AIRE: variants seen among roughly 807,000 people sequenced by gnomAD.
AIRE encodes the protein autoimmune polyendocrinopathy candidiasis ectodermal dystrophy protein.
AIRE carries 52 observed loss-of-function variants against 62.1 expected under a neutral mutation model. The ratio of observed to expected loss-of-function variants is 0.84; its 90% CI spans 0.67 to 1.06. The LOEUF (loss-of-function observed/expected upper bound fraction) is 1.06, where lower values mean the gene tolerates loss of function less well. Ranked by LOEUF, AIRE falls within the 50% of genes least tolerant of loss-of-function variation. The pLI, the probability that AIRE is intolerant of heterozygous loss-of-function variation, is 0.00. For synonymous variants in AIRE, 342 were observed against 321.6 expected, an observed-to-expected ratio of 1.06 and a Z score of -0.68; for missense variants, 774 against 755.8, an observed-to-expected ratio of 1.02 and a Z score of -0.28.
Position 44,289,839 on chromosome 21 carries a change from G to A in AIRE, c.798+37G>A, listed in dbSNP as rs369617029. 5 of 1,611,566 alleles carry A rather than the reference G, an allele frequency of 3.1e-6. No homozygotes were observed. The African/African-American group carries it at 4.0e-5, about 13-fold the overall frequency. On this transcript the variant is annotated intron_variant, in intron 6 of 13. Transcript: ENST00000291582. ...ACCTTCCCTGGGGAGCCTGGCTCTTGATGCCCCCCGCCCCAGGAACAGCGT... is the reference window on the plus strand; with the variant it reads ...ACCTTCCCTGGGGAGCCTGGCTCTTAATGCCCCCCGCCCCAGGAACAGCGT...
rs1265020470 is a variant in AIRE, at chr21:44,287,521, T to C, written c.468T>C (p.Ser156=). 9 of 1,553,634 alleles carry C rather than the reference T, an allele frequency of 5.8e-6. No homozygotes were observed. The highest frequency in any genetic ancestry group is 1.7e-4 in the Middle Eastern group (1 of 5,780). ...GCCCCCAGCTCCCCCATTCAGGCTC[T>C]CAACTGAAGGCCAAGCCCCCCAAGA... is the stretch of plus-strand genomic sequence containing the variant. ...LTPRGTASPG[S]QLKAKPPKKP... The change falls in exon 4 of 14, where the codon TCT becomes TCC. Residue 156 remains serine, a synonymous_variant. Coordinates refer to ENST00000291582, the MANE Select transcript of AIRE (RefSeq NM_000383.4). The surrounding 1 kb of genome is among the most constrained non-coding windows in gnomAD (Gnocchi z 4.3).
Position 44,286,187 on chromosome 21 carries a change from G to A in AIRE, c.132+49G>A. 1 of 1,522,596 alleles carries A rather than the reference G, an allele frequency of 6.6e-7. No individual in the cohort carries two copies. 94.3% of individuals were successfully genotyped at this position (1,522,596 alleles called of 1,614,324 possible). On this transcript the variant is annotated intron_variant, in intron 1 of 13. Coordinates refer to ENST00000291582, the MANE Select transcript of AIRE (RefSeq NM_000383.4). This position sits in a 1 kb window ranked among gnomAD's most constrained non-coding sequence, Gnocchi z 6.0. ...CTGCCCCCAGGCCCTGTGAGCCAGG[G>A]ATAGTCCCCGGGGAAGTTCCAGGAG...
Position 44,287,601 on chromosome 21 carries a change from G to C in AIRE, c.538+10G>C. The stretch of plus-strand genomic sequence containing the variant: ...CTTCCACTCGGGAACGGTGAGCGGG[G>C]CCCAGTGGGAGCGCCTCCCTTCTCC... On this transcript the variant is annotated intron_variant, in intron 4 of 13. Transcript: ENST00000291582. This position sits in a 1 kb window ranked among gnomAD's most constrained non-coding sequence, Gnocchi z 4.3. The C allele has an allele frequency of 6.4e-7, 1 of 1,552,026 alleles. No homozygotes were observed. Among genetic ancestry groups the C allele is most frequent in the Non-Finnish European group, 8.7e-7 (1 of 1,147,718 alleles).
chr21:44,285,961 G>C lies in AIRE; in HGVS notation c.-46G>C. 1 of 1,513,814 alleles carries C rather than the reference G, an allele frequency of 6.6e-7. No individual in the cohort carries two copies. The highest frequency in any genetic ancestry group is 8.8e-7 in the Non-Finnish European group (1 of 1,135,254). 93.8% of individuals were successfully genotyped at this position (1,513,814 alleles called of 1,614,324 possible). A position where few individuals can be genotyped will look rare whatever the true frequency, so the allele number is the denominator to read the frequency against. ...CCAAGCGAGGGGCTGCCAGTGTCCC[G>C]GGACCCACCGCGTCCGCCCCAGCCC... On this transcript the variant is annotated 5_prime_UTR_variant, in exon 1 of 14. Transcript: ENST00000291582.
chr21:44,297,757 T>A lies in AIRE; in HGVS notation c.*30T>A. 1.9e-6 allele frequency: 3 copies of A among 1,588,576 alleles called. No individual in the cohort carries two copies. The highest frequency in any genetic ancestry group is 2.6e-6 in the Non-Finnish European group (3 of 1,158,722). On this transcript the variant is annotated 3_prime_UTR_variant, in exon 14 of 14. Coordinates refer to ENST00000291582, the MANE Select transcript of AIRE (RefSeq NM_000383.4). This position sits in a 1 kb window ranked among gnomAD's most constrained non-coding sequence, Gnocchi z 4.8. ...AGATGGCCGGGACATGCAGCTCTGATGAGAGAGTGCTGAGAAGGACACCTC... is the reference window on the plus strand; with the variant it reads ...AGATGGCCGGGACATGCAGCTCTGAAGAGAGAGTGCTGAGAAGGACACCTC...
At chr21:44,294,979 CT>C (rs2040590830) in intron 12 of AIRE, among the ~76,000 whole-genome samples, 1 of 152,212 alleles carries the variant, frequency 6.6e-6, no homozygotes, top group Non-Finnish European at 1.5e-5. Context: ...TCTTCCTGTC[CT>C]CCTGCTCCGG....
In AIRE at chr21:44,293,832, C is replaced by T. The variant is rs72650677; in HGVS notation, c.1322C>T (p.Thr441Met). 2,545 of 1,596,942 alleles carry T rather than the reference C, an allele frequency of 1.6e-3. 6 individuals are homozygous for T. Among genetic ancestry groups the T allele is most frequent in the Middle Eastern group, 3.1e-3 (16 of 5,158 alleles). The change falls in exon 11 of 14, where the codon ACG (threonine) becomes ATG (methionine). Residue 441 changes from threonine (T) to methionine (M), a missense_variant. By Grantham distance (81) the Thr-to-Met change is moderately conservative. Around this residue, in one of 3 missense-constraint regions of AIRE, gnomAD observed 354 missense variants for 296.1 expected, o/e 1.20. Coordinates refer to ENST00000291582, the MANE Select transcript of AIRE (RefSeq NM_000383.4). Reference sequence around the variant, plus strand: ...CGTTGCGGGGTGTGCGGAGATGGTACGGACGTGCTGCGGTGTACTCACTGC... The same window carrying T: ...CGTTGCGGGGTGTGCGGAGATGGTATGGACGTGCTGCGGTGTACTCACTGC... ...GARCGVCGDGTDVLRCTHCAA... is the reference protein window; with the variant it reads ...GARCGVCGDGMDVLRCTHCAA...
intron 11 of AIRE, 82 bp from the exon 12 acceptor site, chr21:44,294,319 C>A (rs41307215): frequency 4.2e-4 from 333 of 802,176 alleles, no homozygotes; most frequent in Non-Finnish European, 5.8e-4. Flanking sequence ...TCACCACCCA[C>A]GCCCACACCC....
chr21:44,295,004 C>G (rs1175848275), intron 12 of AIRE, among the ~76,000 whole-genome samples: 2 of 152,186 alleles, frequency 1.3e-5, no homozygotes, highest in African/African-American at 4.8e-5. Flanking sequence ...CAGAGAGGAC[C>G]TGGGTGGCGC....
chr21:44,297,731 C>A lies in AIRE; in HGVS notation c.*4C>A. ...GGCGGCCCCCTTCCCCTCCTGACCC[C>A]AGATGGCCGGGACATGCAGCTCTGA... On this transcript the variant is annotated 3_prime_UTR_variant, in exon 14 of 14. Coordinates refer to ENST00000291582, the MANE Select transcript of AIRE (RefSeq NM_000383.4). The surrounding 1 kb of genome is among the most constrained non-coding windows in gnomAD (Gnocchi z 4.8). 6.2e-7 allele frequency: 1 copy of A among 1,609,606 alleles called. No homozygotes were observed. The highest frequency in any genetic ancestry group is 8.5e-7 in the Non-Finnish European group (1 of 1,177,292).
At chr21:44,291,348 G>T in intron 8 of AIRE, 138 bp downstream of exon 8, 1 of 1,388,120 alleles carries the variant, frequency 7.2e-7, no homozygotes, top group Non-Finnish European at 9.8e-7. Context: ...ACTGGGCCGT[G>T]GGGCCGGGGC....
intron 7 of AIRE, chr21:44,290,707 G>T: frequency 7.4e-7 from 1 of 1,346,328 alleles, no homozygotes; most frequent in South Asian, 1.2e-5. Context: ...TCCAGGCAGG[G>T]CACAAGGACG....
chr21:44,296,836 G>C (rs1203979426), intron 13 of AIRE, among the ~76,000 whole-genome samples: 1 of 151,130 alleles, frequency 6.6e-6, no homozygotes, highest in East Asian at 1.9e-4. Flanking sequence ...TGGGGGGGGG[G>C]TCCCAGACCC....
In AIRE at chr21:44,286,196, C is replaced by G; in HGVS notation, c.132+58C>G. 6.6e-7 allele frequency: 1 copy of G among 1,521,438 alleles called. No homozygotes were observed. The highest frequency in any genetic ancestry group is 8.9e-7 in the Non-Finnish European group (1 of 1,129,436). 94.2% of individuals were successfully genotyped at this position (1,521,438 alleles called of 1,614,324 possible). A position where few individuals can be genotyped will look rare whatever the true frequency, so the allele number is the denominator to read the frequency against. ...GGCCCTGTGAGCCAGGGATAGTCCCCGGGGAAGTTCCAGGAGGACCCCGCC... is the reference window on the plus strand; with the variant it reads ...GGCCCTGTGAGCCAGGGATAGTCCCGGGGGAAGTTCCAGGAGGACCCCGCC... On this transcript the variant is annotated intron_variant, in intron 1 of 13. Coordinates refer to ENST00000291582, the MANE Select transcript of AIRE (RefSeq NM_000383.4). The surrounding 1 kb of genome is among the most constrained non-coding windows in gnomAD (Gnocchi z 6.0).
chr21:44,289,369 G>T, intron 5 of AIRE: 1 of 485,098 alleles, frequency 2.1e-6, no homozygotes, highest in South Asian at 2.5e-5. Context: ...TTATGGTCCA[G>T]TGTGACCTCA....
chr21:44,290,976 G>A, intron 7 of AIRE, 119 bp from the exon 8 acceptor site: 1 of 1,613,190 alleles, frequency 6.2e-7, no homozygotes, highest in African/African-American at 1.3e-5. Context: ...GCAGGGCAGA[G>A]ACTGGGGAGT....
intron 12 of AIRE, 115 bp downstream of exon 12, chr21:44,294,618 G>T: frequency 4.1e-6 from 2 of 485,786 alleles, no homozygotes; most frequent in South Asian, 3.8e-5. Context: ...TCGAGGGCTT[G>T]CACCAGACGC....
chr21:44,291,096 A>G lies in AIRE; in HGVS notation c.881A>G (p.Lys294Arg), dbSNP rs1568928440. 1 of 1,613,018 alleles carries G rather than the reference A, an allele frequency of 6.2e-7. No homozygotes were observed. The highest frequency in any genetic ancestry group is 1.7e-5 in the Admixed American group (1 of 59,998). The change falls in exon 8 of 14, where the codon AAG (lysine) becomes AGG (arginine). Residue 294 changes from lysine (K) to arginine (R), a missense_variant and splice_region_variant. Physicochemically the swap from Lys to Arg is conservative, Grantham distance 26 (BLOSUM62 2). Coordinates refer to ENST00000291582, the MANE Select transcript of AIRE (RefSeq NM_000383.4). ...ATGGGCGTCTCTTGCCTGTGCCAGA[A>G]GAATGAGGACGAGTGTGCCGTGTGT... ...ALPSDPQLHQ[K>R]NEDECAVCRD...
chr21:44,295,809 A>G (rs1228517248), intron 12 of AIRE, among the ~76,000 whole-genome samples: 3 of 151,562 alleles, frequency 2.0e-5, no homozygotes, highest in Non-Finnish European at 2.9e-5. Context: ...TCCCCTCCAG[A>G]CCGGGCAGCC....
Sources: allele counts gnomAD v4.1 joint callset (sites outside exome capture counted in the v4.1 genomes callset), GRCh38; gene constraint gnomAD v4.1.1; regional missense constraint gnomAD v4.1.1; non-coding constraint Gnocchi (gnomAD v3.1); transcripts MANE v1.5; gene names NCBI Gene and HGNC (gene_info 2026-07-23, HGNC 2026-07-21).